The following PARD3 variants were observed in gnomAD, a reference collection of about 807,000 sequenced individuals.
PARD3 encodes partitioning defective 3 homolog.
Under a neutral mutation model 155.4 loss-of-function variants are expected in PARD3, and 75 were observed. The observed-to-expected ratio is 0.48, with a 90% CI of 0.40 to 0.58. PARD3 has a LOEUF of 0.58. Among genes scored for constraint, PARD3 ranks in the 20% least tolerant of loss-of-function variants. The pLI, the probability that PARD3 is intolerant of heterozygous loss-of-function variation, is 0.00. For synonymous variants in PARD3, 576 were observed against 610.5 expected (o/e 0.94, Z 0.83); for missense variants, 1,642 against 1,721.7 (o/e 0.95, Z 0.82).
intron 22 of PARD3, among the ~76,000 whole-genome samples, chr10:34,241,430 G>A (rs539764341): frequency 6.6e-5 from 10 of 152,312 alleles, no homozygotes; most frequent in South Asian, 2.1e-4. Context: ...GGTGGTCCTG[G>A]CGGGCCTCAG....
At chr10:34,773,335 G>C (rs1293394043) in intron 1 of PARD3, among the ~76,000 whole-genome samples, 2 of 152,088 alleles carry the variant, frequency 1.3e-5, no homozygotes, top group African/African-American at 2.4e-5. Flanking sequence ...TAGACTCTAT[G>C]TTGTTTCTTC....
At chr10:34,176,558 G>C (rs1028716332) in intron 22 of PARD3, among the ~76,000 whole-genome samples, 1 of 152,154 alleles carries the variant, frequency 6.6e-6, no homozygotes, top group Non-Finnish European at 1.5e-5. Context: ...TGGCCCCAGT[G>C]GTGTTGACTT....
At chr10:34,300,815 T>C (rs1957111728) in intron 20 of PARD3, among the ~76,000 whole-genome samples, 1 of 152,150 alleles carries the variant, frequency 6.6e-6, no homozygotes, top group African/African-American at 2.4e-5. Context: ...AGGAAGGTCG[T>C]GTTCAGCAGG....
At chr10:34,685,234 T>A (rs2093934180) in intron 2 of PARD3, among the ~76,000 whole-genome samples, 1 of 152,198 alleles carries the variant, frequency 6.6e-6, no homozygotes, top group Non-Finnish European at 1.5e-5. Flanking sequence ...ACACATTTCA[T>A]AAGTTTTTCA....
chr10:34,112,915 C>T (rs1474979191), intron 24 of PARD3, among the ~76,000 whole-genome samples: 1 of 152,118 alleles, frequency 6.6e-6, no homozygotes, highest in African/African-American at 2.4e-5. Context: ...GAAGACTGCA[C>T]CATTTGTACA....
chr10:34,411,349 T>C (rs1845029372), intron 5 of PARD3, among the ~76,000 whole-genome samples: 1 of 152,162 alleles, frequency 6.6e-6, no homozygotes, highest in South Asian at 2.1e-4. Flanking sequence ...TGGCCCAACA[T>C]TATTCTGGGT....
chr10:34,685,806 C>T (rs1300182627), intron 2 of PARD3, among the ~76,000 whole-genome samples: 1 of 152,104 alleles, frequency 6.6e-6, no homozygotes, highest in African/African-American at 2.4e-5. Context: ...GTTGGCCAGG[C>T]TGGTCTTGAC....
At chr10:34,619,310 A>G (rs1467075744) in intron 2 of PARD3, among the ~76,000 whole-genome samples, 1 of 152,020 alleles carries the variant, frequency 6.6e-6, no homozygotes, top group Non-Finnish European at 1.5e-5. Flanking sequence ...TCAGCCTCCC[A>G]AAGTGCTGGG....
chr10:34,657,436 C>A (rs988603131), intron 2 of PARD3, among the ~76,000 whole-genome samples: 1 of 152,118 alleles, frequency 6.6e-6, no homozygotes, highest in African/African-American at 2.4e-5. Context: ...CACCTGATAA[C>A]CATTTATTCT....
chr10:34,348,042 A>AT lies in PARD3; in HGVS notation c.2140dup (p.Ile714AsnfsTer10). On this transcript the variant is annotated frameshift_variant, in exon 15 of 25. Coordinates refer to ENST00000374788, the MANE Select transcript of PARD3 (RefSeq NM_001184785.2). LOFTEE classifies it high-confidence loss of function. ...AATCCCACTGTAGAGGGAATGGGAA[A>AT]TTCTTCGTTCTCTATCATCCAACGC... is the stretch of plus-strand genomic sequence containing the variant. The AT allele has an allele frequency of 6.2e-7, 1 of 1,613,502 alleles. No individual in the cohort carries two copies. The highest frequency in any genetic ancestry group is 8.5e-7 in the Non-Finnish European group (1 of 1,179,760).
Position 34,247,858 on chromosome 10 carries a change from T to A in PARD3, c.3419+21799A>T, listed in dbSNP as rs183254511. ...TCATCTTCCTTTAAACCTTAACTGTTTAAGAAAAATGTTACAATTAAGTAC... is the reference window on the plus strand; with the variant it reads ...TCATCTTCCTTTAAACCTTAACTGTATAAGAAAAATGTTACAATTAAGTAC... On this transcript the variant is annotated intron_variant, in intron 22 of 24. Transcript: ENST00000374788. Among the ~76,000 whole-genome samples the A allele has an allele frequency of 9.1e-4, 139 of 152,310 alleles. 2 individuals are homozygous for A. Among genetic ancestry groups the A allele is most frequent in the Middle Eastern group, 6.8e-3 (2 of 294 alleles).
chr10:34,511,456 G>C (rs2081394404), intron 3 of PARD3, among the ~76,000 whole-genome samples: 1 of 152,162 alleles, frequency 6.6e-6, no homozygotes, highest in Non-Finnish European at 1.5e-5. Context: ...AGAGGTCCAA[G>C]ATCAAGGGGC....
intron 22 of PARD3, among the ~76,000 whole-genome samples, chr10:34,242,722 T>A (rs141512385): frequency 2.0e-5 from 3 of 152,154 alleles, no homozygotes; most frequent in South Asian, 2.1e-4. Context: ...TCATTTGAGG[T>A]CAGGAGTTCG....
intron 4 of PARD3, among the ~76,000 whole-genome samples, chr10:34,451,931 T>C (rs531308429): frequency 1.6e-4 from 24 of 152,262 alleles, no homozygotes; most frequent in African/African-American, 5.5e-4. Flanking sequence ...TACCGTTTCA[T>C]ATGATAGTCC....
rs531608346 is a variant in PARD3 at position 34,388,987 on chromosome 10, C to T, written c.891-4733G>A. On this transcript the variant is annotated intron_variant, in intron 7 of 24. Coordinates refer to ENST00000374788, the MANE Select transcript of PARD3 (RefSeq NM_001184785.2). ...TTAGGGTTATGTGAAACAGAACCTC[C>T]TCTACCTTCCTTATGAATCTAAGAT... 2.6e-5 allele frequency among the ~76,000 whole-genome samples: 4 copies of T among 152,166 alleles called. No homozygotes were observed. The East Asian group carries it at 7.7e-4, about 29-fold the overall frequency.
rs1170945371 is a variant in PARD3 at position 34,736,968 on chromosome 10, T to C, written c.121-40549A>G. Among the ~76,000 whole-genome samples, 4 of 152,182 alleles carry C rather than the reference T, an allele frequency of 2.6e-5. No homozygotes were observed. In the East Asian group the frequency reaches 5.8e-4, roughly 22 times the overall value. ...CTGGGATTACAGGCATGAGCCACCA[T>C]GCCTGGCCAAAATAGGTGACTTTAG... On this transcript the variant is annotated intron_variant, in intron 1 of 24. Coordinates refer to ENST00000374788, the MANE Select transcript of PARD3 (RefSeq NM_001184785.2).
chr10:34,492,902 G>A (rs556969443), intron 3 of PARD3, among the ~76,000 whole-genome samples: 4 of 152,330 alleles, frequency 2.6e-5, no homozygotes, highest in Admixed American at 6.5e-5. Context: ...TATCGCTAAA[G>A]CGTTTTTCTG....
At chr10:34,615,548 G>C (rs1459364438) in intron 2 of PARD3, among the ~76,000 whole-genome samples, 2 of 152,064 alleles carry the variant, frequency 1.3e-5, no homozygotes, top group Non-Finnish European at 2.9e-5. Context: ...CATTGGTCTG[G>C]GCAAAGATTT....
chr10:34,136,109 G>A (rs1328754), intron 22 of PARD3, among the ~76,000 whole-genome samples: 74,179 of 152,020 alleles, frequency 0.49, 19,497 homozygotes, highest in Non-Finnish European at 0.6. Flanking sequence ...TTCTGCAGAC[G>A]CTGCCTATTT....
Sources: allele counts gnomAD v4.1 joint callset (sites outside exome capture counted in the v4.1 genomes callset), GRCh38; gene constraint gnomAD v4.1.1; transcripts MANE v1.5; gene names NCBI Gene and HGNC (gene_info 2026-07-23, HGNC 2026-07-21).